The following DLGAP1 variants were observed in gnomAD, a reference collection of about 807,000 sequenced individuals.
The protein encoded by DLGAP1 is disks large-associated protein 1.
In DLGAP1, 11 loss-of-function variants were observed where a neutral mutation model predicts 90.8. The observed-to-expected ratio is 0.12, with a 90% CI of 0.08 to 0.20. The LOEUF is 0.20. DLGAP1 is among the 10% of genes least tolerant of loss of function. The probability of loss-of-function intolerance (pLI) is 1.00; values close to 1 mark genes in which losing one functional copy is unlikely to be tolerated. For synonymous variants in DLGAP1, 558 were observed against 540.7 expected, an observed-to-expected ratio of 1.03 and a Z score of -0.44; for missense variants, 1,050 against 1,333.8, an observed-to-expected ratio of 0.79 and a Z score of 3.31.
At chr18:3,887,969 G>A (rs184297125) in intron 3 of DLGAP1, among the ~76,000 whole-genome samples, 1,969 of 151,772 alleles carry the variant, frequency 0.013, 129 homozygotes, top group Admixed American at 0.099. Context: ...TTAGCCAGGC[G>A]TGGTGGCGGG....
intron 1 of DLGAP1, among the ~76,000 whole-genome samples, chr18:4,353,171 A>G (rs1434821302): frequency 1.3e-5 from 2 of 151,834 alleles, no homozygotes; most frequent in African/African-American, 4.8e-5. Context: ...TCAACTGTTC[A>G]CTCTGCCTTC....
At chr18:3,562,573 C>A (rs1234435724) in intron 9 of DLGAP1, among the ~76,000 whole-genome samples, 1 of 127,530 alleles carries the variant, frequency 7.8e-6, no homozygotes, top group Non-Finnish European at 1.6e-5. Flanking sequence ...TAGATGGAGT[C>A]TCACTCTGTC....
chr18:3,685,840 C>T (rs894511136), intron 7 of DLGAP1, among the ~76,000 whole-genome samples: 3 of 152,142 alleles, frequency 2.0e-5, no homozygotes, highest in African/African-American at 7.2e-5. Context: ...TCTTCAAGGC[C>T]CGTGCCATCA....
intron 3 of DLGAP1, among the ~76,000 whole-genome samples, chr18:3,953,304 T>C (rs75031519): frequency 0.16 from 24,661 of 152,038 alleles, 2,117 homozygotes; most frequent in Middle Eastern, 0.22. Context: ...TTGCATGCAA[T>C]AGGTAATTTT....
In DLGAP1 at chr18:3,742,550, T is replaced by TC. The variant is rs1455445734; in HGVS notation, c.1173-39dup. ...AATGGAAGAGGTGCATTAGTCACAT[T>TC]CCAAAATGCAGGAAGCAATAACATG... On this transcript the variant is annotated intron_variant, in intron 5 of 12. Coordinates refer to ENST00000315677, the MANE Select transcript of DLGAP1 (RefSeq NM_004746.4). 5 of 1,608,532 alleles carry TC rather than the reference T, an allele frequency of 3.1e-6. No homozygotes were observed. The South Asian group carries it at 5.5e-5, about 18-fold the overall frequency.
intron 4 of DLGAP1, among the ~76,000 whole-genome samples, chr18:3,852,697 T>C (rs1261704232): frequency 6.6e-6 from 1 of 152,166 alleles, no homozygotes; most frequent in Non-Finnish European, 1.5e-5. Flanking sequence ...TTTTGTTAGA[T>C]CATTAATGGC....
intron 7 of DLGAP1, among the ~76,000 whole-genome samples, chr18:3,694,930 GTTTTTTTTGT>G (rs2037933090): frequency 1.6e-5 from 2 of 128,028 alleles, no homozygotes; most frequent in South Asian, 5.1e-4. Flanking sequence ...TGCTTTTGGT[GTTTTTTTTGT>G]TTTTTTTTTT....
At chr18:3,768,748 C>T (rs978164432) in intron 5 of DLGAP1, among the ~76,000 whole-genome samples, 2 of 152,162 alleles carry the variant, frequency 1.3e-5, no homozygotes, top group Non-Finnish European at 2.9e-5. Flanking sequence ...GGCAAAAAGA[C>T]GTAAGTCTCC....
chr18:3,994,954 G>T (rs1435033383), intron 3 of DLGAP1, among the ~76,000 whole-genome samples: 2 of 152,234 alleles, frequency 1.3e-5, no homozygotes, highest in Non-Finnish European at 2.9e-5. Context: ...GAACTTAGCT[G>T]TCTGCCTGTT....
At chr18:3,978,789 C>T (rs770194607) in intron 3 of DLGAP1, among the ~76,000 whole-genome samples, 9 of 152,104 alleles carry the variant, frequency 5.9e-5, no homozygotes, top group South Asian at 2.1e-4. Flanking sequence ...TATGGGTTGA[C>T]GTTGCACACT....
At chr18:3,814,535 G>T (rs547143141) in intron 4 of DLGAP1, among the ~76,000 whole-genome samples, 1 of 151,878 alleles carries the variant, frequency 6.6e-6, no homozygotes, top group Admixed American at 6.6e-5. Flanking sequence ...CTAATTATTT[G>T]TATTTTCAGT....
At chr18:3,748,479 G>A (rs1023315478) in intron 5 of DLGAP1, among the ~76,000 whole-genome samples, 2 of 152,220 alleles carry the variant, frequency 1.3e-5, no homozygotes, top group Non-Finnish European at 2.9e-5. Context: ...AATCTTTGGA[G>A]GTGATGGACC....
At chr18:3,770,754 GC>G (rs1051887216) in intron 5 of DLGAP1, among the ~76,000 whole-genome samples, 2 of 152,130 alleles carry the variant, frequency 1.3e-5, no homozygotes, top group African/African-American at 2.4e-5. Context: ...ATGGAAACAT[GC>G]CCCATCAATC....
At chr18:3,852,767 T>A (rs1321365877) in intron 4 of DLGAP1, among the ~76,000 whole-genome samples, 1 of 152,208 alleles carries the variant, frequency 6.6e-6, no homozygotes, top group East Asian at 1.9e-4. Context: ...GTGCTTTTTA[T>A]CCTTTAATCT....
chr18:4,027,281 G>A (rs1598262686), intron 2 of DLGAP1, among the ~76,000 whole-genome samples: 1 of 151,836 alleles, frequency 6.6e-6, no homozygotes, highest in East Asian at 1.9e-4. Context: ...TGAGGTGGGA[G>A]GATCACTGGA....
chr18:3,577,918 G>A (rs2055254537), intron 8 of DLGAP1, among the ~76,000 whole-genome samples: 1 of 152,146 alleles, frequency 6.6e-6, no homozygotes, highest in African/African-American at 2.4e-5. Flanking sequence ...AAAGTCCATG[G>A]CATATTTAGT....
chr18:3,783,955 T>G (rs190484562), intron 5 of DLGAP1, among the ~76,000 whole-genome samples: 1 of 152,286 alleles, frequency 6.6e-6, no homozygotes, highest in African/African-American at 2.4e-5. Flanking sequence ...TGAGGTAAAG[T>G]GCTTAAATTA....
chr18:4,337,683 C>T (rs1245103300), intron 1 of DLGAP1, among the ~76,000 whole-genome samples: 1 of 151,702 alleles, frequency 6.6e-6, no homozygotes, highest in Non-Finnish European at 1.5e-5. Flanking sequence ...ATTGACCAGC[C>T]GAAACCAAAA....
At chr18:4,429,095 C>G (rs1331174384) in intron 1 of DLGAP1, among the ~76,000 whole-genome samples, 2 of 152,166 alleles carry the variant, frequency 1.3e-5, no homozygotes, top group African/African-American at 4.8e-5. Context: ...GTTATTACCT[C>G]TATAATACCT....
Sources: gnomAD v4.1 joint callset for allele counts (sites outside exome capture counted in the v4.1 genomes callset) on GRCh38, gnomAD v4.1.1 for gene constraint, MANE v1.5 for transcripts, NCBI Gene and HGNC (gene_info 2026-07-23, HGNC 2026-07-21) for gene names.